The following PSMG2 variants were observed in gnomAD, a reference collection of about 807,000 sequenced individuals.
PSMG2 encodes CD40 ligand-activated specific transcript 3.
PSMG2 carries 21 observed loss-of-function variants against 31.5 expected under a neutral mutation model. That is an observed-to-expected ratio of 0.67 (90% confidence interval 0.47 to 0.96). PSMG2 has a LOEUF of 0.96. PSMG2 is among the 40% of genes least tolerant of loss of function. The pLI is 0.00. For missense variants in PSMG2, 318 were observed against 321.2 expected (o/e 0.99, Z 0.08); for synonymous variants, 120 against 110.4 (o/e 1.09, Z -0.54).
At chr18:12,661,297 A>T in intron 1 of PSMG2, 1 of 842,020 alleles carries the variant, frequency 1.2e-6, no homozygotes, top group Non-Finnish European at 1.4e-6. Flanking sequence ...GACAAGAGTG[A>T]GCCTTCATCT....
In PSMG2 at chr18:12,724,592, T is replaced by G. The variant is rs1323730269; in HGVS notation, c.675T>G (p.Asn225Lys). ...PDALGLVEYL[N>K]EWLQILKPLS... ...CATTAGGTCTTGTTGAGTATCTTAA[T>G]GAGTGGCTTCAGATACTCAAACCAC... The change falls in exon 6 of 7, where the codon AAT becomes AAG. Residue 225 changes from asparagine to lysine, a missense_variant. Asn to Lys is a moderately conservative substitution (Grantham distance 94). Transcript: ENST00000317615. The G allele has an allele frequency of 6.2e-7, 1 of 1,608,716 alleles. No individual in the cohort carries two copies.
At chr18:12,685,079 C>G (rs1268886914) in intron 1 of PSMG2, 1 of 152,314 alleles carries the variant, frequency 6.6e-6, no homozygotes, top group Non-Finnish European at 1.5e-5. Flanking sequence ...CAGCTCACCA[C>G]AACCTCCGCC....
At chr18:12,718,893 T>C (rs1048963661) in intron 4 of PSMG2, among the ~76,000 whole-genome samples, 1 of 152,098 alleles carries the variant, frequency 6.6e-6, no homozygotes, top group African/African-American at 2.4e-5. Context: ...ATGTTTTTAG[T>C]GTTTCCCGTC....
chr18:12,675,729 C>T (rs779768331), intron 1 of PSMG2, among the ~76,000 whole-genome samples: 4 of 151,910 alleles, frequency 2.6e-5, no homozygotes, highest in East Asian at 1.9e-4. Flanking sequence ...AATGCAGTGG[C>T]GCGATCTCGG....
At chr18:12,686,084 T>C (rs2039530880) in intron 1 of PSMG2, 1 of 492,026 alleles carries the variant, frequency 2.0e-6, no homozygotes, top group East Asian at 3.3e-5. Flanking sequence ...ATTATTGTAA[T>C]TTTTTACTTT....
At chr18:12,699,102 A>C (rs1383388503), upstream of PSMG2, 14 of 1,614,040 alleles carry the variant, frequency 8.7e-6, no homozygotes, top group East Asian at 2.9e-4. Context: ...AACGTTGAAC[A>C]AACTTGTCCA....
At chr18:12,681,136 TG>T (rs1369410548) in intron 1 of PSMG2, among the ~76,000 whole-genome samples, 1 of 150,382 alleles carries the variant, frequency 6.6e-6, no homozygotes, top group African/African-American at 2.5e-5. Context: ...AGGCGGAGGT[TG>T]CAGTGAGCTA....
At chr18:12,724,207 G>T in intron 5 of PSMG2, 1 of 278,478 alleles carries the variant, frequency 3.6e-6, no homozygotes, top group East Asian at 6.1e-5. Flanking sequence ...TAGGTTTGGG[G>T]AGTAGGTCAG....
intron 1 of PSMG2, among the ~76,000 whole-genome samples, chr18:12,672,113 T>TG (rs1259533276): frequency 7.2e-6 from 1 of 138,060 alleles, no homozygotes; most frequent in Non-Finnish European, 1.6e-5. Context: ...CCACCATGCC[T>TG]GGCCCTTTTT....
intron 1 of PSMG2, among the ~76,000 whole-genome samples, chr18:12,690,525 G>A (rs890104806): frequency 2.6e-5 from 4 of 151,160 alleles, no homozygotes; most frequent in Non-Finnish European, 5.9e-5. Flanking sequence ...GTGCGATCTC[G>A]GCTCACTGCA....
intron 1 of PSMG2, chr18:12,663,374 G>A (rs539291568): frequency 6.6e-6 from 1 of 152,226 alleles, no homozygotes; most frequent in East Asian, 1.9e-4. Flanking sequence ...CTAGGTTCAA[G>A]CAGTCCTCCC....
At chr18:12,724,796 A>G (rs1348244337) in intron 6 of PSMG2, 177 bp downstream of exon 6, 2 of 610,084 alleles carry the variant, frequency 3.3e-6, no homozygotes, top group African/African-American at 1.9e-5. Flanking sequence ...TAACCAACCT[A>G]TTATTTACAG....
intron 1 of PSMG2, among the ~76,000 whole-genome samples, chr18:12,690,612 C>T (rs989707023): frequency 2.0e-5 from 3 of 152,056 alleles, no homozygotes; most frequent in South Asian, 2.1e-4. Flanking sequence ...CCCGCCATCA[C>T]GCCCGGCTAA....
At chr18:12,704,886 G>C (rs910555645) in intron 1 of PSMG2, among the ~76,000 whole-genome samples, 7 of 152,102 alleles carry the variant, frequency 4.6e-5, no homozygotes, top group African/African-American at 1.7e-4. Context: ...AGTGAAAAGT[G>C]GGAGAACATG....
intron 1 of PSMG2, 73 bp downstream of exon 1, chr18:12,703,237 T>C: frequency 6.8e-7 from 1 of 1,464,488 alleles, no homozygotes; most frequent in South Asian, 1.2e-5. Context: ...ACGCGGGGTG[T>C]TTGGCGGTGC....
chr18:12,707,340 C>T (rs1397569465), intron 2 of PSMG2, among the ~76,000 whole-genome samples: 1 of 152,090 alleles, frequency 6.6e-6, no homozygotes, highest in Non-Finnish European at 1.5e-5. Flanking sequence ...GTTTTATCTC[C>T]TGTTCTTACT....
rs573528987 is a variant in PSMG2, at chr18:12,687,028, G to A, written c.-36-19522G>A. 3.3e-5 allele frequency among the ~76,000 whole-genome samples: 5 copies of A among 152,238 alleles called. No individual in the cohort carries two copies. The East Asian group carries it at 9.7e-4, about 29-fold the overall frequency. On this transcript the variant is annotated intron_variant, in intron 1 of 6. Transcript: ENST00000585331. ...CATCCTAAATACAGGATATCTCCTG[G>A]TGTTGGTGCTGAATAACTTGTATGC...
intron 1 of PSMG2, among the ~76,000 whole-genome samples, chr18:12,668,770 GCT>G (rs1255521001): frequency 1.0e-5 from 1 of 100,476 alleles, no homozygotes. Context: ...ACAGAGTCTT[GCT>G]CTGTCACCCA....
At chr18:12,694,017 G>C (rs966963659) in intron 1 of PSMG2, among the ~76,000 whole-genome samples, 4 of 152,018 alleles carry the variant, frequency 2.6e-5, no homozygotes, top group Non-Finnish European at 4.4e-5. Flanking sequence ...AATTTTTGTA[G>C]AGACAGGGTC....
Sources: allele counts gnomAD v4.1 joint callset (sites outside exome capture counted in the v4.1 genomes callset), GRCh38; gene constraint gnomAD v4.1.1; transcripts MANE v1.5; gene names NCBI Gene and HGNC (gene_info 2026-07-23, HGNC 2026-07-21).